CIT: variants seen among roughly 807,000 people sequenced by gnomAD.
CIT encodes citron Rho-interacting kinase.
In CIT, 79 loss-of-function variants were observed where a neutral mutation model predicts 272.7. That is an observed-to-expected ratio of 0.29 (90% CI 0.24 to 0.35). The LOEUF (loss-of-function observed/expected upper bound fraction) is 0.35, where lower values mean the gene tolerates loss of function less well. Among genes scored for constraint, CIT ranks in the 10% least tolerant of loss-of-function variants. The pLI is 1.00. For synonymous variants in CIT, 948 were observed against 995.6 expected (o/e 0.95, Z 0.90); for missense variants, 1,909 against 2,618.3 (o/e 0.73, Z 5.91).
intron 23 of CIT, among the ~76,000 whole-genome samples, chr12:119,743,412 T>A (rs1201053129): frequency 6.6e-6 from 1 of 152,040 alleles, no homozygotes; most frequent in Non-Finnish European, 1.5e-5. Context: ...CAGGAAAGGG[T>A]CTGGTGCATT....
chr12:119,876,245 C>A, intron 1 of CIT, 64 bp from the exon 2 acceptor site: 1 of 992,030 alleles, frequency 1.0e-6, no homozygotes, highest in Non-Finnish European at 1.6e-6. Context: ...CTGAGAGATC[C>A]TGATCTCCCT....
chr12:119,793,544 A>G (rs1036115891), intron 10 of CIT, among the ~76,000 whole-genome samples: 1 of 152,234 alleles, frequency 6.6e-6, no homozygotes, highest in African/African-American at 2.4e-5. Context: ...AGCAAAGTCC[A>G]TACCTAAAGG....
chr12:119,754,210 T>G (rs1442321584), intron 22 of CIT, among the ~76,000 whole-genome samples: 1 of 152,166 alleles, frequency 6.6e-6, no homozygotes, highest in African/African-American at 2.4e-5. Context: ...ACTGAGAGAT[T>G]AGGTAACTGA....
chr12:119,709,196 CTA>C (rs1449411430), intron 39 of CIT, among the ~76,000 whole-genome samples: 16 of 152,140 alleles, frequency 1.1e-4, no homozygotes, highest in African/African-American at 3.9e-4. Context: ...ATATGATACT[CTA>C]TGTGTGGATA....
chr12:119,748,211 C>T (rs1195637511), intron 23 of CIT, among the ~76,000 whole-genome samples: 2 of 152,114 alleles, frequency 1.3e-5, no homozygotes, highest in African/African-American at 4.8e-5. Flanking sequence ...CCCAGGAGTC[C>T]ACAGATCCAC....
chr12:119,781,280 T>A (rs1964266194), intron 13 of CIT, among the ~76,000 whole-genome samples: 1 of 152,242 alleles, frequency 6.6e-6, no homozygotes, highest in African/African-American at 2.4e-5. Context: ...AATGTTTTTA[T>A]CAAGCAACAG....
chr12:119,860,172 A>G (rs1950294703), intron 3 of CIT, among the ~76,000 whole-genome samples: 1 of 152,050 alleles, frequency 6.6e-6, no homozygotes, highest in Admixed American at 6.6e-5. Flanking sequence ...GGTGGAGTTG[A>G]AATCTCCTGT....
chr12:119,701,053 A>G (rs1326021075), intron 43 of CIT: 1 of 261,776 alleles, frequency 3.8e-6, no homozygotes, highest in Non-Finnish European at 7.0e-6. Flanking sequence ...AAAGAAAGAG[A>G]ACTCAAGTGA....
intron 10 of CIT, among the ~76,000 whole-genome samples, chr12:119,795,261 C>A (rs1285215654): frequency 2.6e-5 from 4 of 152,144 alleles, no homozygotes; most frequent in Admixed American, 6.5e-5. Flanking sequence ...GTGGCAGGCA[C>A]CTGTAATCCC....
chr12:119,751,600 T>A, intron 23 of CIT, among the ~76,000 whole-genome samples: 1 of 122,864 alleles, frequency 8.1e-6, no homozygotes. Context: ...AAGCAGAATC[T>A]ACAGCTTGAA....
Position 119,698,053 on chromosome 12 carries a change from G to A in CIT, c.5625C>T (p.Ala1875=). ...LKWSRLPLAF[A]YREPYLFVTH... is the part of the protein sequence containing the mutation. ...TCACAAACAGATAGGGTTCTCTGTA[G>A]GCTGTGTGATCACCATGCAGGCACA... Residue 1875 remains alanine (A), a splice_region_variant and synonymous_variant, in exon 45 of 48, where the codon GCC becomes GCT. Coordinates refer to ENST00000392521, the MANE Select transcript of CIT (RefSeq NM_001206999.2). 1.2e-6 allele frequency: 2 copies of A among 1,613,954 alleles called. No homozygotes were observed. The highest frequency in any genetic ancestry group is 1.1e-5 in the South Asian group (1 of 91,076).
intron 5 of CIT, among the ~76,000 whole-genome samples, chr12:119,843,010 G>A (rs1372291522): frequency 1.3e-5 from 2 of 152,156 alleles, no homozygotes; most frequent in South Asian, 2.1e-4. Context: ...TGCAATGAGC[G>A]TACAGTCAAA....
At chr12:119,779,833 C>T (rs1252236486) in intron 13 of CIT, among the ~76,000 whole-genome samples, 2 of 152,214 alleles carry the variant, frequency 1.3e-5, no homozygotes, top group Admixed American at 1.3e-4. Context: ...AATTCTAACT[C>T]ATTTGTGGAT....
intron 10 of CIT, among the ~76,000 whole-genome samples, chr12:119,797,915 A>G (rs911563621): frequency 6.6e-6 from 1 of 152,248 alleles, no homozygotes; most frequent in Non-Finnish European, 1.5e-5. Flanking sequence ...AGTTGCAGCC[A>G]TAAGAATGAT....
chr12:119,709,787 AGTGTGTGTGTGTGTGTGTGTGTGTGT>A (rs150206566), intron 39 of CIT, among the ~76,000 whole-genome samples: 20 of 107,634 alleles, frequency 1.9e-4, no homozygotes, highest in African/African-American at 6.6e-4. Context: ...AGAGAGAGAG[AGTGTGTGTGTGTGTGTGTGTGTGTGT>A]GTGTGTGTGT....
intron 47 of CIT, among the ~76,000 whole-genome samples, chr12:119,688,887 G>A (rs887908555): frequency 2.6e-5 from 4 of 152,188 alleles, no homozygotes; most frequent in South Asian, 4.1e-4. Flanking sequence ...TGGGCTGAGC[G>A]TGGTGACTCA....
Position 119,689,943 on chromosome 12 carries a change from T to C in CIT, c.6186+208A>G, listed in dbSNP as rs148686024. On this transcript the variant is annotated intron_variant, in intron 47 of 47. Transcript: ENST00000392521. ...ATCCACCCGCCTCGGCCTCCCAAAGTGCTGGGATTGCAGGCGTGAGCCACC... is the reference window on the plus strand; with the variant it reads ...ATCCACCCGCCTCGGCCTCCCAAAGCGCTGGGATTGCAGGCGTGAGCCACC... Among the ~76,000 whole-genome samples the C allele has an allele frequency of 7.9e-3, 1,206 of 152,252 alleles. 14 individuals carry two copies. The highest frequency in any genetic ancestry group is 0.027 in the African/African-American group (1,136 of 41,552).
chr12:119,819,372 C>A (rs1473990610), intron 9 of CIT, among the ~76,000 whole-genome samples: 2 of 152,144 alleles, frequency 1.3e-5, no homozygotes, highest in African/African-American at 4.8e-5. Context: ...TGTACAGAAG[C>A]TACGCCTGAC....
intron 4 of CIT, among the ~76,000 whole-genome samples, chr12:119,853,310 C>G (rs573121278): frequency 3.2e-4 from 43 of 133,498 alleles, no homozygotes; most frequent in Non-Finnish European, 5.1e-4. Context: ...GGTGACAAAG[C>G]AAGACTCTGT....
Sources: gnomAD v4.1 joint callset for allele counts (sites outside exome capture counted in the v4.1 genomes callset) on GRCh38, gnomAD v4.1.1 for gene constraint, MANE v1.5 for transcripts, NCBI Gene and HGNC (gene_info 2026-07-23, HGNC 2026-07-21) for gene names.